Variants in SLC35E2B observed in about 807,000 individuals in gnomAD.
The protein encoded by SLC35E2B is solute carrier family 35 member E2B.
Under a neutral mutation model 32.4 loss-of-function variants are expected in SLC35E2B, and 18 were observed. The observed-to-expected ratio is 0.56, with a 90% CI of 0.38 to 0.82. SLC35E2B has a LOEUF of 0.82. Among genes scored for constraint, SLC35E2B ranks in the 40% least tolerant of loss-of-function variants. The pLI is 0.00. For missense variants in SLC35E2B, 263 were observed against 469.5 expected (o/e 0.56, Z 4.06); for synonymous variants, 132 against 209.1 (o/e 0.63, Z 3.18).
At chr1:1,680,719 C>T (rs1418831693) in intron 2 of SLC35E2B, among the ~76,000 whole-genome samples, 1 of 152,088 alleles carries the variant, frequency 6.6e-6, no homozygotes, top group African/African-American at 2.4e-5. Context: ...CCCCACAGCT[C>T]CAAGGCCGCA....
intron 1 of SLC35E2B, among the ~76,000 whole-genome samples, chr1:1,692,055 A>C: frequency 1.6e-5 from 1 of 63,098 alleles, no homozygotes; most frequent in Non-Finnish European, 3.0e-5. Context: ...AGTAGATTTC[A>C]CTCCATTAAA....
chr1:1,678,135 C>T (rs1338558276), intron 2 of SLC35E2B, among the ~76,000 whole-genome samples: 1 of 152,168 alleles, frequency 6.6e-6, no homozygotes, highest in Non-Finnish European at 1.5e-5. Context: ...CGACCCAGTA[C>T]CCCTCCTCGT....
At chr1:1,666,123 G>A (rs1466359597) in intron 9 of SLC35E2B, 104 bp from the exon 10 acceptor site, 2 of 1,350,604 alleles carry the variant, frequency 1.5e-6, no homozygotes, top group Non-Finnish European at 2.0e-6. Context: ...GGTGGGGTTG[G>A]GGGACTCAGC....
intron 8 of SLC35E2B, among the ~76,000 whole-genome samples, chr1:1,668,852 G>A (rs574834522): frequency 7.2e-5 from 11 of 151,976 alleles, no homozygotes; most frequent in South Asian, 2.1e-4. Flanking sequence ...CTAGCCAGGC[G>A]TGGTGGTGGG....
Position 1,671,816 on chromosome 1 carries a change from G to A in SLC35E2B, c.587-187C>T, listed in dbSNP as rs374911452. On this transcript the variant is annotated intron_variant, in intron 5 of 9. Transcript: ENST00000617444. ...AAGTCCGTGTCTGCAAATAAGTCCC[G>A]TCCCCACGGCAAAGGTGGCGCCTTT... Among the ~76,000 whole-genome samples, 32 of 152,230 alleles carry A rather than the reference G, an allele frequency of 2.1e-4. No individual in the cohort carries two copies. The East Asian group carries it at 4.2e-3, about 20-fold the overall frequency.
At position 1,669,949 on chromosome 1, in the gene SLC35E2B, T is replaced by TC. The variant is rs994720974; in HGVS notation, c.761+148dup. The TC allele has an allele frequency of 1.2e-5, 10 of 860,956 alleles. No homozygotes were observed. The Admixed American group carries it at 2.2e-4, about 19-fold the overall frequency. The allele number at this position is 860,956 out of a possible 1,614,324, so 53.3% of individuals were successfully genotyped here. The stretch of plus-strand genomic sequence containing the variant: ...AGGGAGTAGCTGAGAAACGGGCGGG[T>TC]CCCTCCCGAGCTTAGACAGGGTACT... On this transcript the variant is annotated intron_variant, in intron 7 of 9. Transcript: ENST00000617444.
Position 1,664,870 on chromosome 1 carries a change from G to A in SLC35E2B, c.*912C>T, listed in dbSNP as rs1447056709. 4.3e-6 allele frequency: 4 copies of A among 921,164 alleles called. No individual in the cohort carries two copies. Among genetic ancestry groups the A allele is most frequent in the African/African-American group, 1.9e-5 (1 of 53,072 alleles). 57.1% of individuals were successfully genotyped at this position (921,164 alleles called of 1,614,324 possible). On this transcript the variant is annotated 3_prime_UTR_variant, in exon 10 of 10. Coordinates refer to ENST00000617444, the MANE Select transcript of SLC35E2B (RefSeq NM_001290264.2). ...TGCTAGATGATGATAGGAACAGTGG[G>A]CTCTGAGGGAGGACAGACAGGCTCA... is the stretch of plus-strand genomic sequence containing the variant.
At position 1,669,682 on chromosome 1, in the gene SLC35E2B, C is replaced by G. The variant is rs1372323271; in HGVS notation, c.816G>C (p.Pro272=). The change falls in exon 8 of 10, where the codon CCG becomes CCC. Residue 272 remains proline (P), a synonymous_variant. Coordinates refer to ENST00000617444, the MANE Select transcript of SLC35E2B (RefSeq NM_001290264.2). Reference sequence around the variant, plus strand: ...AACCCACCGTAAAGAAAACCCGGGCCGGGACGAGCATGGCCACCGCAGCGG... The same window carrying G: ...AACCCACCGTAAAGAAAACCCGGGCGGGGACGAGCATGGCCACCGCAGCGG... ...TSAAAVAMLV[P]ARVFFTDVPV... is the part of the protein sequence containing the mutation. The G allele has an allele frequency of 6.5e-7, 1 of 1,529,044 alleles. No individual in the cohort carries two copies. Among genetic ancestry groups the G allele is most frequent in the Non-Finnish European group, 8.8e-7 (1 of 1,129,966 alleles). The allele number at this position is 1,529,044 out of a possible 1,614,324, so 94.7% of individuals were successfully genotyped here.
chr1:1,689,085 TCACTTGAA>T, intron 2 of SLC35E2B, among the ~76,000 whole-genome samples: 1 of 151,104 alleles, frequency 6.6e-6, no homozygotes, highest in South Asian at 2.1e-4. Context: ...GGCACGAGGA[TCACTTGAA>T]CCTGGGAGAC....
intron 2 of SLC35E2B, among the ~76,000 whole-genome samples, chr1:1,689,641 A>C (rs1643995962): frequency 6.6e-6 from 1 of 151,584 alleles, no homozygotes. Context: ...CATTAAAAAA[A>C]GGGTCAGGTG....
intron 2 of SLC35E2B, among the ~76,000 whole-genome samples, chr1:1,689,542 T>G: frequency 6.6e-6 from 1 of 151,590 alleles, no homozygotes; most frequent in East Asian, 1.9e-4. Context: ...GTGTAAAACT[T>G]TATGCTCAGG....
Position 1,665,930 on chromosome 1 carries a change from G to A in SLC35E2B, c.1070C>T (p.Thr357Ile), listed in dbSNP as rs1643532502. Residue 357 changes from threonine (T) to isoleucine (I), a missense_variant, in exon 10 of 10, where the codon ACA becomes ATA. Physicochemically the swap from Thr to Ile is moderately conservative, Grantham distance 89. Coordinates refer to ENST00000617444, the MANE Select transcript of SLC35E2B (RefSeq NM_001290264.2). ...CAGGACCCCAACGGTCACCAGGGCT[G>A]TGCCAACGGCCGACAAGCTGGTGAT... The part of the protein sequence containing the change: ...NKITSLSAVG[T>I]ALVTVGVLLY... 1 of 1,551,486 alleles carries A rather than the reference G, an allele frequency of 6.4e-7. No homozygotes were observed. Among genetic ancestry groups the A allele is most frequent in the South Asian group, 1.2e-5 (1 of 84,058 alleles).
At chr1:1,666,682 A>G (rs1390853712) in intron 9 of SLC35E2B, among the ~76,000 whole-genome samples, 2 of 151,334 alleles carry the variant, frequency 1.3e-5, no homozygotes, top group African/African-American at 4.9e-5. Flanking sequence ...CTGTAACCCC[A>G]GCACTGTGGG....
chr1:1,671,695 G>C (rs571409172), intron 5 of SLC35E2B, 66 bp from the exon 6 acceptor site: 1 of 1,400,658 alleles, frequency 7.1e-7, no homozygotes, highest in African/African-American at 1.5e-5. Flanking sequence ...CGAGGGCCAG[G>C]CTGTTTCCAT....
intron 9 of SLC35E2B, among the ~76,000 whole-genome samples, chr1:1,667,286 G>A (rs1255187044): frequency 6.6e-6 from 1 of 151,920 alleles, no homozygotes. Context: ...GGTGGCAGTC[G>A]CCTGTAGTCC....
At chr1:1,688,048 A>T (rs374113917) in intron 2 of SLC35E2B, among the ~76,000 whole-genome samples, 3 of 152,150 alleles carry the variant, frequency 2.0e-5, no homozygotes, top group African/African-American at 7.2e-5. Context: ...GTGATCTAGG[A>T]ATGAACTCAG....
chr1:1,685,414 GAAAAAAA>G (rs571091862), intron 2 of SLC35E2B, among the ~76,000 whole-genome samples: 2 of 102,820 alleles, frequency 1.9e-5, no homozygotes, highest in African/African-American at 7.4e-5. Context: ...CGTTTTCTCA[GAAAAAAA>G]AAAAAAAAAA....
intron 5 of SLC35E2B, among the ~76,000 whole-genome samples, chr1:1,675,164 G>A (rs1643810261): frequency 6.7e-6 from 1 of 148,632 alleles, no homozygotes; most frequent in Admixed American, 6.7e-5. Flanking sequence ...ATTGGCACCT[G>A]CAGTAATCTT....
rs541033939 is a variant in SLC35E2B at position 1,669,688 on chromosome 1, G to A, written c.810C>T (p.Leu270=). 123 of 1,531,866 alleles carry A rather than the reference G, an allele frequency of 8.0e-5. 1 individual carries two copies. In the South Asian group the frequency reaches 1.1e-3, roughly 13 times the overall value. 94.9% of individuals were successfully genotyped at this position (1,531,866 alleles called of 1,614,324 possible). Reference sequence around the variant, plus strand: ...CCGTAAAGAAAACCCGGGCCGGGACGAGCATGGCCACCGCAGCGGCGCTGG... The same window carrying A: ...CCGTAAAGAAAACCCGGGCCGGGACAAGCATGGCCACCGCAGCGGCGCTGG... The part of the protein sequence containing the change: ...FYTSAAAVAM[L]VPARVFFTDV... Residue 270 remains leucine (L), a synonymous_variant, in exon 8 of 10, where the codon CTC becomes CTT. Coordinates refer to ENST00000617444, the MANE Select transcript of SLC35E2B (RefSeq NM_001290264.2).
Sources: allele counts gnomAD v4.1 joint callset (sites outside exome capture counted in the v4.1 genomes callset), GRCh38; gene constraint gnomAD v4.1.1; transcripts MANE v1.5; gene names NCBI Gene and HGNC (gene_info 2026-07-23, HGNC 2026-07-21).